Variants in BMP5 observed in about 807,000 individuals in gnomAD.
The protein encoded by BMP5 is bone morphogenetic protein 5.
Under a neutral mutation model 46.6 loss-of-function variants are expected in BMP5, and 23 were observed. That is an observed-to-expected ratio of 0.49 (90% confidence interval 0.35 to 0.70). The LOEUF is 0.70. BMP5 is among the 30% of genes least tolerant of loss of function. BMP5 has a pLI of 0.00. For synonymous variants in BMP5, 204 were observed against 191.9 expected (o/e 1.06, Z -0.52); for missense variants, 545 against 565.6 (o/e 0.96, Z 0.37).
At chr6:55,858,699 G>C (rs2127552702) in intron 1 of BMP5, among the ~76,000 whole-genome samples, 1 of 152,296 alleles carries the variant, frequency 6.6e-6, no homozygotes, top group East Asian at 1.9e-4. Context: ...ATTTATTGCA[G>C]CACTATTTAC....
At chr6:55,800,902 A>T (rs1024363279) in intron 2 of BMP5, among the ~76,000 whole-genome samples, 2 of 152,168 alleles carry the variant, frequency 1.3e-5, no homozygotes, top group African/African-American at 4.8e-5. Context: ...TTTACTCCCA[A>T]ACCATAACTC....
chr6:55,872,705 T>C lies in BMP5; in HGVS notation c.490+1671A>G, dbSNP rs141004522. 4.8e-3 allele frequency among the ~76,000 whole-genome samples: 735 copies of C among 151,960 alleles called. 9 individuals carry two copies. Among genetic ancestry groups the C allele is most frequent in the African/African-American group, 0.017 (699 of 41,554 alleles). The stretch of plus-strand genomic sequence containing the variant: ...ACATTCATGACTGAGCTATCGTTTA[T>C]TAAAATATGTAACATACATATGCTT... On this transcript the variant is annotated intron_variant, in intron 1 of 6. Coordinates refer to ENST00000370830, the MANE Select transcript of BMP5 (RefSeq NM_021073.4).
intron 3 of BMP5, among the ~76,000 whole-genome samples, chr6:55,784,675 CAG>C (rs1172689298): frequency 6.6e-6 from 1 of 151,614 alleles, no homozygotes; most frequent in East Asian, 1.9e-4. Context: ...AAAAATGTGA[CAG>C]AATTACTGTT....
At position 55,836,631 on chromosome 6, in the gene BMP5, TACACACACAC is replaced by T. The variant is rs61358651; in HGVS notation, c.491-16794_491-16785del. On this transcript the variant is annotated intron_variant, in intron 1 of 6. Coordinates refer to ENST00000370830, the MANE Select transcript of BMP5 (RefSeq NM_021073.4). ...ACACACACACAAACACATACATACA[TACACACACAC>T]ACACACACACACACACACACACGTA... 2.0e-4 allele frequency among the ~76,000 whole-genome samples: 28 copies of T among 139,604 alleles called. No individual in the cohort carries two copies. The East Asian group carries it at 5.9e-3, about 29-fold the overall frequency. 91.6% of individuals were successfully genotyped at this position (139,604 alleles called of 152,430 possible).
At position 55,829,065 on chromosome 6, in the gene BMP5, A is replaced by G. The variant is rs143573347; in HGVS notation, c.491-9218T>C. ...ATTAGTTTTACAGGTTTCTAAGATT[A>G]GGAATAAAACTATAAGAATATATTA... On this transcript the variant is annotated intron_variant, in intron 1 of 6. Coordinates refer to ENST00000370830, the MANE Select transcript of BMP5 (RefSeq NM_021073.4). Among the ~76,000 whole-genome samples, 591 of 152,012 alleles carry G rather than the reference A, an allele frequency of 3.9e-3. 5 individuals carry two copies. Among genetic ancestry groups the G allele is most frequent in the African/African-American group, 0.013 (558 of 41,536 alleles).
chr6:55,860,752 A>G (rs756218878), intron 1 of BMP5, among the ~76,000 whole-genome samples: 2 of 152,200 alleles, frequency 1.3e-5, no homozygotes, highest in African/African-American at 4.8e-5. Flanking sequence ...CCTACTTTTC[A>G]TAATTCATTG....
At chr6:55,862,378 A>G (rs888198447) in intron 1 of BMP5, among the ~76,000 whole-genome samples, 8 of 152,170 alleles carry the variant, frequency 5.3e-5, no homozygotes, top group African/African-American at 1.9e-4. Context: ...TGGTCCTTAT[A>G]CCAATTCTCA....
At chr6:55,800,353 T>C (rs1775817139) in intron 2 of BMP5, among the ~76,000 whole-genome samples, 1 of 152,226 alleles carries the variant, frequency 6.6e-6, no homozygotes, top group Admixed American at 6.5e-5. Context: ...ATGCGAAATA[T>C]TAACAAACTA....
At chr6:55,790,389 T>C (rs1775549980) in intron 3 of BMP5, among the ~76,000 whole-genome samples, 2 of 152,182 alleles carry the variant, frequency 1.3e-5, no homozygotes, top group Non-Finnish European at 2.9e-5. Flanking sequence ...ACAAGTCCCA[T>C]GACCTCATGA....
rs548780124 is a variant in BMP5 at position 55,772,018 on chromosome 6, C to G, written c.1027+2031G>C. On this transcript the variant is annotated intron_variant, in intron 4 of 6. Coordinates refer to ENST00000370830, the MANE Select transcript of BMP5 (RefSeq NM_021073.4). ...AGGATTTTCCCAGACTGCTTGATTA[C>G]TACCTATTGAAAGGTTAAGTCTTAT... Among the ~76,000 whole-genome samples the G allele has an allele frequency of 7.2e-5, 11 of 152,002 alleles. No homozygotes were observed. The South Asian group carries it at 2.1e-3, about 29-fold the overall frequency.
At chr6:55,829,014 G>T (rs1776596839) in intron 1 of BMP5, among the ~76,000 whole-genome samples, 1 of 151,710 alleles carries the variant, frequency 6.6e-6, no homozygotes, top group African/African-American at 2.4e-5. Context: ...TTATCATATG[G>T]AATAATATAT....
intron 4 of BMP5, among the ~76,000 whole-genome samples, chr6:55,763,521 A>T (rs1488495912): frequency 6.6e-6 from 1 of 152,160 alleles, no homozygotes; most frequent in African/African-American, 2.4e-5. Flanking sequence ...AGTTAGGTTT[A>T]CTCTAAATGC....
chr6:55,792,837 G>A (rs1312707368), intron 3 of BMP5, among the ~76,000 whole-genome samples: 2 of 152,110 alleles, frequency 1.3e-5, no homozygotes, highest in African/African-American at 2.4e-5. Context: ...AAATGAGGGA[G>A]GTAGACTGTA....
intron 1 of BMP5, among the ~76,000 whole-genome samples, chr6:55,868,201 A>T (rs1777696059): frequency 6.6e-6 from 1 of 152,200 alleles, no homozygotes. Context: ...AATAGGATTT[A>T]CATCTGTTGA....
intron 6 of BMP5, 43 bp from the exon 7 acceptor site, chr6:55,755,725 T>C (rs749872493): frequency 3.8e-6 from 6 of 1,560,176 alleles, no homozygotes; most frequent in Admixed American, 1.7e-5. Context: ...AAATAAAATA[T>C]ACATTCTTTT....
intron 1 of BMP5, among the ~76,000 whole-genome samples, chr6:55,866,173 T>G (rs1458870958): frequency 6.6e-6 from 1 of 152,188 alleles, no homozygotes; most frequent in Non-Finnish European, 1.5e-5. Context: ...AATTTCCAAC[T>G]GTAGCAAATT....
chr6:55,774,100 G>T lies in BMP5; in HGVS notation c.976C>A (p.Arg326Ser). The T allele has an allele frequency of 6.2e-7, 1 of 1,612,948 alleles. No homozygotes were observed. Among genetic ancestry groups the T allele is most frequent in the Non-Finnish European group, 8.5e-7 (1 of 1,179,392 alleles). Reference protein sequence around the residue: ...RAANKRKNQNRNKSSSHQDSS... With the variant: ...RAANKRKNQNSNKSSSHQDSS... ...TCCTGATGAGAGCTGGATTTATTGC[G>T]GTTTTGATTTTTTCGTTTGTTGGCT... Residue 326 changes from arginine to serine, a missense_variant, in exon 4 of 7, where the codon CGC becomes AGC. Physicochemically the swap from Arg to Ser is moderately radical, Grantham distance 110 (BLOSUM62 -1). Transcript: ENST00000370830.
At chr6:55,871,159 C>A (rs1309680635) in intron 1 of BMP5, among the ~76,000 whole-genome samples, 1 of 151,712 alleles carries the variant, frequency 6.6e-6, no homozygotes, top group East Asian at 1.9e-4. Flanking sequence ...ATGTCTTTAA[C>A]TTGTACTGGT....
chr6:55,791,966 G>T (rs1267644889), intron 3 of BMP5, among the ~76,000 whole-genome samples: 1 of 152,190 alleles, frequency 6.6e-6, no homozygotes. Context: ...GACGATAAAT[G>T]TACAGTAGCT....
Sources: gnomAD v4.1 joint callset for allele counts (sites outside exome capture counted in the v4.1 genomes callset) on GRCh38, gnomAD v4.1.1 for gene constraint, MANE v1.5 for transcripts, NCBI Gene and HGNC (gene_info 2026-07-23, HGNC 2026-07-21) for gene names.